The following TEX9 variants were observed in gnomAD, a reference collection of about 807,000 sequenced individuals.
TEX9 encodes testis expressed 9.
In TEX9, 74 loss-of-function variants were observed where a neutral mutation model predicts 59.6. That is an observed-to-expected ratio of 1.24 (90% CI 1.03 to 1.51). The LOEUF is 1.51. Ranked by LOEUF, TEX9 falls within the 40% of genes most tolerant of loss-of-function variation. The pLI is 0.00. For synonymous variants in TEX9, 186 were observed against 152.2 expected (o/e 1.22, Z -1.64); for missense variants, 522 against 447.8 (o/e 1.17, Z -1.49).
At chr15:56,436,995 T>C (rs946071462) in intron 12 of TEX9, among the ~76,000 whole-genome samples, 6 of 152,120 alleles carry the variant, frequency 3.9e-5, no homozygotes, top group African/African-American at 1.4e-4. Flanking sequence ...CAGGACCAGA[T>C]GGATTCACAG....
intron 10 of TEX9, among the ~76,000 whole-genome samples, chr15:56,412,730 T>G (rs1179340322): frequency 1.3e-5 from 2 of 152,150 alleles, no homozygotes; most frequent in East Asian, 3.8e-4. Flanking sequence ...TAGAAAAAGT[T>G]GTTTAAAAAA....
At chr15:56,345,633 C>A (rs2046456941) in intron 1 of TEX9, among the ~76,000 whole-genome samples, 3 of 152,116 alleles carry the variant, frequency 2.0e-5, no homozygotes, top group Admixed American at 6.5e-5. Flanking sequence ...CAAGTCCCAT[C>A]CCTTCAGTAG....
At chr15:56,311,971 G>A (rs1369002006) in intron 1 of TEX9, among the ~76,000 whole-genome samples, 4 of 150,274 alleles carry the variant, frequency 2.7e-5, no homozygotes, top group East Asian at 2.0e-4. Flanking sequence ...CATGTCCTTT[G>A]CCCACTTTTT....
intron 1 of TEX9, among the ~76,000 whole-genome samples, chr15:56,272,910 GGTTC>G (rs2044571738): frequency 6.9e-6 from 1 of 144,208 alleles, no homozygotes; most frequent in African/African-American, 2.5e-5. Flanking sequence ...AATTGGTGGG[GGTTC>G]TTTATTTATT....
At chr15:56,349,157 A>G (rs533107103) in intron 1 of TEX9, among the ~76,000 whole-genome samples, 1 of 152,218 alleles carries the variant, frequency 6.6e-6, no homozygotes, top group Admixed American at 6.5e-5. Flanking sequence ...AATGAATCAC[A>G]TTTCATTATT....
rs147002191 is a variant in TEX9 at position 56,385,081 on chromosome 15, G to C, written c.263+1050G>C. 2.3e-3 allele frequency among the ~76,000 whole-genome samples: 345 copies of C among 152,258 alleles called. 1 individual carries two copies. Among genetic ancestry groups the C allele is most frequent in the Middle Eastern group, 3.4e-3 (1 of 294 alleles). ...TTCTTTTGCACATGGATAGCCATTTGTCTCAGCATTATTTGTTGAGAAGAC... is the reference window on the plus strand; with the variant it reads ...TTCTTTTGCACATGGATAGCCATTTCTCTCAGCATTATTTGTTGAGAAGAC... On this transcript the variant is annotated intron_variant, in intron 4 of 12. Transcript: ENST00000352903.
intron 12 of TEX9, chr15:56,443,622 G>A: frequency 1.2e-6 from 2 of 1,605,484 alleles, no homozygotes; most frequent in Non-Finnish European, 1.7e-6. Context: ...TGTTAAAGAA[G>A]TGGTTATTTT....
chr15:56,351,569 G>C (rs2046581241), intron 1 of TEX9, among the ~76,000 whole-genome samples: 1 of 152,160 alleles, frequency 6.6e-6, no homozygotes. Context: ...TCTTTGAATG[G>C]AGAGAATGGG....
chr15:56,432,218 A>G (rs1360738509), intron 12 of TEX9, among the ~76,000 whole-genome samples: 1 of 152,232 alleles, frequency 6.6e-6, no homozygotes, highest in Non-Finnish European at 1.5e-5. Flanking sequence ...GATTTTCCTA[A>G]GAAGGATCTG....
chr15:56,451,653 T>C, the TEX9 span, among the ~76,000 whole-genome samples: 1 of 152,182 alleles, frequency 6.6e-6, no homozygotes, highest in Non-Finnish European at 1.5e-5. Context: ...TTATAGACAG[T>C]CTCTGATTAA....
exon 5 of TEX9, chr15:56,388,502 T>C (rs1395231022): frequency 1.9e-6 from 3 of 1,611,636 alleles, no homozygotes; most frequent in Non-Finnish European, 2.5e-6. Context: ...GGATAGTTCA[T>C]CTTCATTCAG....
At chr15:56,366,659 C>T (rs576660517) in intron 2 of TEX9, among the ~76,000 whole-genome samples, 17 of 152,026 alleles carry the variant, frequency 1.1e-4, no homozygotes, top group African/African-American at 4.1e-4. Flanking sequence ...TCATACATAC[C>T]CTTATAAAAA....
At chr15:56,285,830 T>G (rs1278954842) in intron 1 of TEX9, among the ~76,000 whole-genome samples, 2 of 152,132 alleles carry the variant, frequency 1.3e-5, no homozygotes, top group Non-Finnish European at 2.9e-5. Flanking sequence ...CTCAGTATAC[T>G]TGGAGAGCAA....
chr15:56,323,451 C>T (rs2045946833), intron 1 of TEX9: 1 of 170,138 alleles, frequency 5.9e-6, no homozygotes, highest in Admixed American at 6.4e-5. Flanking sequence ...GAGAACATCC[C>T]ATTGGTGATG....
chr15:56,308,887 C>A (rs1391350002), intron 1 of TEX9, among the ~76,000 whole-genome samples: 1 of 152,078 alleles, frequency 6.6e-6, no homozygotes, highest in Non-Finnish European at 1.5e-5. Flanking sequence ...CCTGTATTCC[C>A]AGTTCTTTAC....
At chr15:56,398,586 T>C (rs1442593809) in intron 9 of TEX9, among the ~76,000 whole-genome samples, 1 of 152,224 alleles carries the variant, frequency 6.6e-6, no homozygotes, top group East Asian at 1.9e-4. Flanking sequence ...TCTTTTCATG[T>C]TCTTGGCCAT....
intron 1 of TEX9, among the ~76,000 whole-genome samples, chr15:56,310,170 G>A (rs1429418531): frequency 2.0e-5 from 3 of 152,152 alleles, no homozygotes; most frequent in Admixed American, 6.5e-5. Flanking sequence ...ACTGGCTCAC[G>A]CCTGTAATCC....
downstream of TEX9, chr15:56,447,377 A>G (rs2050913680): frequency 6.5e-6 from 1 of 154,374 alleles, no homozygotes; most frequent in Non-Finnish European, 1.4e-5. Context: ...GAATTCATAA[A>G]TCAATTTGGA....
chr15:56,317,458 G>T (rs1596084710), intron 1 of TEX9, among the ~76,000 whole-genome samples: 1 of 152,094 alleles, frequency 6.6e-6, no homozygotes, highest in Non-Finnish European at 1.5e-5. Flanking sequence ...AGGTTTGTCA[G>T]TTTTGTGAAT....
Sources: allele counts gnomAD v4.1 joint callset (sites outside exome capture counted in the v4.1 genomes callset), GRCh38; gene constraint gnomAD v4.1.1; transcripts MANE v1.5; gene names NCBI Gene and HGNC (gene_info 2026-07-23, HGNC 2026-07-21).